Variants in RPS6KL1 observed in about 807,000 individuals in gnomAD.
RPS6KL1 encodes ribosomal protein S6 kinase-like 1.
A neutral mutation model predicts 57.0 loss-of-function variants in RPS6KL1; 41 were observed. The ratio of observed to expected loss-of-function variants is 0.72; its 90% CI spans 0.56 to 0.93. The LOEUF is 0.93. RPS6KL1 is among the 40% of genes least tolerant of loss of function. The pLI is 0.00. For missense variants in RPS6KL1, 697 were observed against 727.7 expected (o/e 0.96, Z 0.49); for synonymous variants, 287 against 309.7 (o/e 0.93, Z 0.77).
chr14:74,913,700 C>A (rs1886394140), intron 5 of RPS6KL1, among the ~76,000 whole-genome samples: 1 of 152,214 alleles, frequency 6.6e-6, no homozygotes, highest in South Asian at 2.1e-4. Flanking sequence ...GGGGTCATAG[C>A]AGCACTTCCT....
In RPS6KL1 at chr14:74,906,811, C is replaced by T. The variant is rs1430600870; in HGVS notation, c.*203G>A. The T allele has an allele frequency of 1.4e-5, 10 of 713,796 alleles. No individual in the cohort carries two copies. In the Admixed American group the frequency reaches 2.0e-4, roughly 14 times the overall value. The allele number at this position is 713,796 out of a possible 1,614,324, so 44.2% of individuals were successfully genotyped here. On this transcript the variant is annotated 3_prime_UTR_variant, in exon 12 of 12. Coordinates refer to ENST00000557413, the MANE Select transcript of RPS6KL1 (RefSeq NM_031464.5). ...TAGCAGGGCAAGCCTTGACTGCCCC[C>T]ACCTCCAGCTTTTCCAGGAGCTGGC...
intron 5 of RPS6KL1, among the ~76,000 whole-genome samples, chr14:74,914,243 C>T (rs1886486547): frequency 6.6e-6 from 1 of 152,226 alleles, no homozygotes; most frequent in African/African-American, 2.4e-5. Flanking sequence ...CAAACTTGTG[C>T]AATGTTAGAA....
intron 11 of RPS6KL1, 113 bp downstream of exon 11, chr14:74,907,322 A>C: frequency 6.8e-7 from 1 of 1,479,254 alleles, no homozygotes. Flanking sequence ...TGCCCTCTGC[A>C]CCCACATCAG....
intron 5 of RPS6KL1, among the ~76,000 whole-genome samples, chr14:74,914,117 T>C (rs924933232): frequency 6.6e-6 from 1 of 152,252 alleles, no homozygotes; most frequent in Admixed American, 6.5e-5. Flanking sequence ...GGCAGTGGAC[T>C]AGATGAGAGC....
rs1363938106 is a variant in RPS6KL1 at position 74,906,630 on chromosome 14, G to C, written c.*384C>G. The C allele has an allele frequency of 5.6e-6, 3 of 532,954 alleles. No individual in the cohort carries two copies. Among genetic ancestry groups the C allele is most frequent in the South Asian group, 4.3e-5 (3 of 69,102 alleles). The allele number at this position is 532,954 out of a possible 1,614,324, so 33.0% of individuals were successfully genotyped here. A position where few individuals can be genotyped will look rare whatever the true frequency, so the allele number is the denominator to read the frequency against. On this transcript the variant is annotated 3_prime_UTR_variant, in exon 12 of 12. Coordinates refer to ENST00000557413, the MANE Select transcript of RPS6KL1 (RefSeq NM_031464.5). ...GAGTCTCCAGAGATGTCCTGAGTGG[G>C]GCACAACATGGCAGTGAGTGAGTCA...
Position 74,904,008 on chromosome 14 carries a change from G to A in RPS6KL1, c.*3006C>T, listed in dbSNP as rs1272304851. On this transcript the variant is annotated 3_prime_UTR_variant, in exon 12 of 12. Coordinates refer to ENST00000557413, the MANE Select transcript of RPS6KL1 (RefSeq NM_031464.5). ...CAAGTGTGAGTGACTGATGGCCTGT[G>A]ATACAACTCTTAGGAGATCCTGAGA... is the stretch of plus-strand genomic sequence containing the variant. 1 of 152,230 alleles carries A rather than the reference G, an allele frequency of 6.6e-6. No homozygotes were observed. Among genetic ancestry groups the A allele is most frequent in the African/African-American group, 2.4e-5 (1 of 41,464 alleles). 9.4% of individuals were successfully genotyped at this position (152,230 alleles called of 1,614,324 possible).
In RPS6KL1 at chr14:74,909,917, T is replaced by G; in HGVS notation, c.896A>C (p.Gln299Pro). ...TGTGGGTTCACCTTCAGCCTCCCTC[T>G]GGGGTCTGGTGGATGGGGCCTCCCC... The part of the protein sequence containing the change: ...LAGEAPSTRP[Q>P]REAEGEPTAR... The change falls in exon 8 of 12, where the codon CAG becomes CCG. Residue 299 changes from glutamine (Q) to proline (P), a missense_variant. By Grantham distance (76) the Gln-to-Pro change is moderately conservative. Transcript: ENST00000557413. 1 of 1,614,068 alleles carries G rather than the reference T, an allele frequency of 6.2e-7. No homozygotes were observed. The highest frequency in any genetic ancestry group is 8.5e-7 in the Non-Finnish European group (1 of 1,179,968).
intron 10 of RPS6KL1, 45 bp downstream of exon 10, chr14:74,908,805 C>G: frequency 6.4e-7 from 1 of 1,555,204 alleles, no homozygotes; most frequent in South Asian, 1.1e-5. Context: ...CCATCCCACA[C>G]TCAGTGGCAC....
At chr14:74,921,176 C>T in intron 3 of RPS6KL1, 101 bp downstream of exon 3, 1 of 1,062,158 alleles carries the variant, frequency 9.4e-7, no homozygotes, top group Non-Finnish European at 1.4e-6. Context: ...GCCGTGCTCA[C>T]TCAGTACAAA....
At chr14:74,919,685 A>G (rs957401236) in intron 4 of RPS6KL1, among the ~76,000 whole-genome samples, 160 bp downstream of exon 4, 1 of 152,150 alleles carries the variant, frequency 6.6e-6, no homozygotes, top group Non-Finnish European at 1.5e-5. Context: ...CAGGAGGAAA[A>G]GAAGATGGGC....
rs750781763 is a variant in RPS6KL1, at chr14:74,919,975, G to T, written c.266-6C>A. On this transcript the variant is annotated splice_region_variant and splice_polypyrimidine_tract_variant and intron_variant, in intron 3 of 11. Transcript: ENST00000557413. ...TCGCTCCTTGTTGGGGTCAACTGTG[G>T]GAGACAAGAGTCACCAGGGTCCCCA... The T allele has an allele frequency of 1.2e-6, 2 of 1,614,100 alleles. No individual in the cohort carries two copies. The highest frequency in any genetic ancestry group is 1.7e-6 in the Non-Finnish European group (2 of 1,180,006).
rs757155760 is a variant in RPS6KL1, at chr14:74,906,653, T to G, written c.*361A>C. 1.9e-6 allele frequency: 1 copy of G among 529,378 alleles called. No homozygotes were observed. The highest frequency in any genetic ancestry group is 3.8e-6 in the Non-Finnish European group (1 of 260,656). The allele number at this position is 529,378 out of a possible 1,614,324, so 32.8% of individuals were successfully genotyped here. On this transcript the variant is annotated 3_prime_UTR_variant, in exon 12 of 12. Transcript: ENST00000557413. ...GGGGCACAACATGGCAGTGAGTGAG[T>G]CACAGAACCTCACAGTAGGGTGCAG...
chr14:74,907,405 G>C, intron 11 of RPS6KL1, 30 bp downstream of exon 11: 1 of 1,550,760 alleles, frequency 6.4e-7, no homozygotes, highest in Non-Finnish European at 8.7e-7. Flanking sequence ...AGGCTAGGCA[G>C]CTGCTTCCTC....
intron 10 of RPS6KL1, among the ~76,000 whole-genome samples, chr14:74,908,126 G>A (rs1885234945): frequency 6.6e-6 from 1 of 152,248 alleles, no homozygotes; most frequent in South Asian, 2.1e-4. Flanking sequence ...CAGGACTTTC[G>A]GGACCCCGTG....
intron 5 of RPS6KL1, among the ~76,000 whole-genome samples, chr14:74,914,811 C>T (rs540423425): frequency 6.6e-6 from 1 of 152,352 alleles, no homozygotes; most frequent in East Asian, 1.9e-4. Context: ...CTCCCAAGTT[C>T]AAGCGATTCT....
chr14:74,922,114 A>G lies in RPS6KL1; in HGVS notation c.-157T>C, dbSNP rs1227267234. On this transcript the variant is annotated 5_prime_UTR_variant, in exon 2 of 12. Coordinates refer to ENST00000557413, the MANE Select transcript of RPS6KL1 (RefSeq NM_031464.5). ...TTTCCTTTCCAGTCAAATTCAGTTCAGCAAACATTTCTGGAGCATCTGGTA... is the reference window on the plus strand; with the variant it reads ...TTTCCTTTCCAGTCAAATTCAGTTCGGCAAACATTTCTGGAGCATCTGGTA... The G allele has an allele frequency of 3.4e-6, 3 of 888,298 alleles. No individual in the cohort carries two copies. Among genetic ancestry groups the G allele is most frequent in the Non-Finnish European group, 4.1e-6 (3 of 736,878 alleles). The allele number at this position is 888,298 out of a possible 1,614,324, so 55.0% of individuals were successfully genotyped here.
rs891924518 is a variant in RPS6KL1, at chr14:74,906,961, G to A, written c.*53C>T. 2 of 1,373,180 alleles carry A rather than the reference G, an allele frequency of 1.5e-6. No homozygotes were observed. The highest frequency in any genetic ancestry group is 2.8e-5 in the African/African-American group (2 of 70,184). The allele number at this position is 1,373,180 out of a possible 1,614,324, so 85.1% of individuals were successfully genotyped here. ...AGCCCTGGGTTGGGTGTCAGGCAAG[G>A]AGGAGAGGCGATCCAGACCAGGCCA... On this transcript the variant is annotated 3_prime_UTR_variant, in exon 12 of 12. Coordinates refer to ENST00000557413, the MANE Select transcript of RPS6KL1 (RefSeq NM_031464.5).
At chr14:74,910,710 T>A (rs1436046085) in intron 7 of RPS6KL1, 4 of 158,286 alleles carry the variant, frequency 2.5e-5, no homozygotes, top group Admixed American at 2.4e-4. Context: ...CAGCTGTGAT[T>A]CTCACGCCCA....
At position 74,918,604 on chromosome 14, in the gene RPS6KL1, C is replaced by G; in HGVS notation, c.392G>C (p.Gly131Ala). The G allele has an allele frequency of 6.5e-7, 1 of 1,533,966 alleles. No homozygotes were observed. The highest frequency in any genetic ancestry group is 8.7e-7 in the Non-Finnish European group (1 of 1,145,812). The part of the protein sequence containing the change: ...PLSSGASPSA[G>A]FSSLRLRPIR... ...GGGCCGGAGCCTCAGGCTGCTGAAA[C>G]CCTGCAGAGGAGGGAGACAGGCCAC... Residue 131 changes from glycine to alanine, a missense_variant and splice_region_variant, in exon 5 of 12, where the codon GGT (glycine) becomes GCT (alanine). Coordinates refer to ENST00000557413, the MANE Select transcript of RPS6KL1 (RefSeq NM_031464.5).
Sources: allele counts gnomAD v4.1 joint callset (sites outside exome capture counted in the v4.1 genomes callset), GRCh38; gene constraint gnomAD v4.1.1; transcripts MANE v1.5; gene names NCBI Gene and HGNC (gene_info 2026-07-23, HGNC 2026-07-21).